Variants in NRXN3 observed in about 807,000 individuals in gnomAD.
The protein encoded by NRXN3 is neurexin III.
NRXN3 carries 32 observed loss-of-function variants against 137.6 expected under a neutral mutation model. The observed-to-expected ratio is 0.23, with a 90% CI of 0.18 to 0.31. The LOEUF is 0.31. Among genes scored for constraint, NRXN3 ranks in the 10% least tolerant of loss-of-function variants. The pLI is 1.00. For synonymous variants in NRXN3, 798 were observed against 784.5 expected (o/e 1.02, Z -0.29); for missense variants, 1,574 against 2,062.5 (o/e 0.76, Z 4.59).
At chr14:79,363,733 T>A (rs1449994762) in intron 15 of NRXN3, among the ~76,000 whole-genome samples, 1 of 152,212 alleles carries the variant, frequency 6.6e-6, no homozygotes, top group Admixed American at 6.5e-5. Flanking sequence ...AGAATGATAT[T>A]TTCATTCCAG....
intron 4 of NRXN3, among the ~76,000 whole-genome samples, chr14:78,442,592 A>T (rs936609807): frequency 6.6e-6 from 1 of 152,220 alleles, no homozygotes; most frequent in Admixed American, 6.5e-5. Flanking sequence ...CCTTCTCTGA[A>T]AGGGAAGACA....
chr14:79,463,895 C>T lies in NRXN3; in HGVS notation c.3263-3326C>T, dbSNP rs140029279. Among the ~76,000 whole-genome samples, 1,405 of 151,966 alleles carry T rather than the reference C, an allele frequency of 9.2e-3. 14 individuals carry two copies. Among genetic ancestry groups the T allele is most frequent in the Non-Finnish European group, 0.013 (884 of 67,962 alleles). On this transcript the variant is annotated intron_variant, in intron 15 of 20. Transcript: ENST00000335750. ...GGTTCTTATAGTTCCCAGGATTTTC[C>T]CAAGAAGTTGATTTGTAATCCACAT...
At chr14:79,665,221 C>T (rs1223954776) in intron 17 of NRXN3, among the ~76,000 whole-genome samples, 1 of 152,084 alleles carries the variant, frequency 6.6e-6, no homozygotes, top group Non-Finnish European at 1.5e-5. Context: ...GTAAGAGCAT[C>T]TGGAAACAGC....
rs184699047 is a variant in NRXN3 at position 79,251,413 on chromosome 14, C to T, written c.3263-215808C>T. ...AAGGGCGTCTTTCAAGAAATGACTT[C>T]AGAATTTTGAGCCTGAATAAATGGA... On this transcript the variant is annotated intron_variant, in intron 15 of 20. Coordinates refer to ENST00000335750, the MANE Select transcript of NRXN3 (RefSeq NM_001330195.2). 3.3e-3 allele frequency among the ~76,000 whole-genome samples: 498 copies of T among 152,132 alleles called. 3 individuals carry two copies. Among genetic ancestry groups the T allele is most frequent in the African/African-American group, 0.011 (469 of 41,498 alleles).
At chr14:79,524,445 T>C (rs2097099518) in intron 16 of NRXN3, among the ~76,000 whole-genome samples, 1 of 152,222 alleles carries the variant, frequency 6.6e-6, no homozygotes, top group African/African-American at 2.4e-5. Flanking sequence ...TTTTACACTT[T>C]TGTTATATAC....
At chr14:79,076,696 T>C (rs2152737836) in intron 15 of NRXN3, among the ~76,000 whole-genome samples, 1 of 152,186 alleles carries the variant, frequency 6.6e-6, no homozygotes, top group South Asian at 2.1e-4. Context: ...TATAGGACAT[T>C]TAAGGGGAGG....
intron 15 of NRXN3, among the ~76,000 whole-genome samples, chr14:79,353,304 A>T (rs941407972): frequency 6.6e-6 from 1 of 152,078 alleles, no homozygotes; most frequent in African/African-American, 2.4e-5. Flanking sequence ...TCTGGAAACT[A>T]TTCTGAATAT....
At position 79,386,366 on chromosome 14, in the gene NRXN3, A is replaced by G. The variant is rs560246147; in HGVS notation, c.3263-80855A>G. The stretch of plus-strand genomic sequence containing the variant: ...ACCACTCACAATTGCTTCAAAGAGA[A>G]TAAAATACCTAGGAATCCAACTTAC... On this transcript the variant is annotated intron_variant, in intron 15 of 20. Coordinates refer to ENST00000335750, the MANE Select transcript of NRXN3 (RefSeq NM_001330195.2). 6.6e-5 allele frequency among the ~76,000 whole-genome samples: 10 copies of G among 152,328 alleles called. No homozygotes were observed. The South Asian group carries it at 1.2e-3, about 19-fold the overall frequency.
intron 4 of NRXN3, among the ~76,000 whole-genome samples, chr14:78,435,838 G>A (rs1431080932): frequency 2.0e-5 from 3 of 152,254 alleles, no homozygotes; most frequent in Non-Finnish European, 4.4e-5. Flanking sequence ...CTTTCTGGAT[G>A]CGTTTCATCA....
intron 15 of NRXN3, among the ~76,000 whole-genome samples, chr14:79,362,303 C>T (rs553847534): frequency 2.0e-5 from 3 of 151,756 alleles, no homozygotes; most frequent in Non-Finnish European, 2.9e-5. Context: ...TCCCCTCTCC[C>T]CCCACCCCAC....
chr14:79,021,754 C>A (rs1403477737), intron 15 of NRXN3, among the ~76,000 whole-genome samples: 2 of 152,188 alleles, frequency 1.3e-5, no homozygotes, highest in African/African-American at 4.8e-5. Flanking sequence ...CCGGAAGCAT[C>A]ACACAATAGA....
In NRXN3 at chr14:79,346,236, A is replaced by G. The variant is rs376271863; in HGVS notation, c.3263-120985A>G. Among the ~76,000 whole-genome samples, 51 of 152,282 alleles carry G rather than the reference A, an allele frequency of 3.3e-4. No individual in the cohort carries two copies. The East Asian group carries it at 8.9e-3, about 27-fold the overall frequency. On this transcript the variant is annotated intron_variant, in intron 15 of 20. Coordinates refer to ENST00000335750, the MANE Select transcript of NRXN3 (RefSeq NM_001330195.2). ...GGAGTCCCAGGTCAGCCTGACCAAC[A>G]TAGTGAAACCCCATCTCTGCTAAAA...
chr14:78,518,252 G>T (rs1042120743), intron 4 of NRXN3, among the ~76,000 whole-genome samples: 1 of 152,164 alleles, frequency 6.6e-6, no homozygotes, highest in Admixed American at 6.5e-5. Context: ...CACAATGAGG[G>T]CTGTGGTAAG....
At chr14:78,219,584 C>T (rs1387395728) in intron 1 of NRXN3, among the ~76,000 whole-genome samples, 4 of 152,182 alleles carry the variant, frequency 2.6e-5, no homozygotes, top group African/African-American at 4.8e-5. Context: ...TCTTAATTTT[C>T]CCCACCTCTA....
intron 15 of NRXN3, among the ~76,000 whole-genome samples, chr14:79,339,846 C>G (rs539839890): frequency 4.5e-4 from 69 of 152,198 alleles, no homozygotes; most frequent in African/African-American, 1.6e-3. Flanking sequence ...GATGATCATA[C>G]TTGAAAAGTT....
chr14:79,097,594 G>A (rs1198894110), intron 15 of NRXN3, among the ~76,000 whole-genome samples: 1 of 152,208 alleles, frequency 6.6e-6, no homozygotes, highest in Non-Finnish European at 1.5e-5. Context: ...TGGATGAACC[G>A]ATAGCATTCC....
chr14:78,394,197 T>C (rs1322632795), intron 4 of NRXN3, among the ~76,000 whole-genome samples: 3 of 151,978 alleles, frequency 2.0e-5, no homozygotes, highest in Non-Finnish European at 4.4e-5. Flanking sequence ...AAGCATTCAG[T>C]CAAGCACCAT....
At chr14:78,777,028 A>C (rs1431730644) in intron 8 of NRXN3, among the ~76,000 whole-genome samples, 3 of 152,176 alleles carry the variant, frequency 2.0e-5, no homozygotes, top group African/African-American at 7.2e-5. Flanking sequence ...CTATGAGAAA[A>C]CTGAGGACAT....
intron 15 of NRXN3, among the ~76,000 whole-genome samples, chr14:79,159,151 C>T (rs1488864349): frequency 6.6e-6 from 1 of 151,688 alleles, no homozygotes; most frequent in Non-Finnish European, 1.5e-5. Context: ...TGAACATCCC[C>T]CAAAACTGTT....
Sources: gnomAD v4.1 joint callset for allele counts (sites outside exome capture counted in the v4.1 genomes callset) on GRCh38, gnomAD v4.1.1 for gene constraint, MANE v1.5 for transcripts, NCBI Gene and HGNC (gene_info 2026-07-23, HGNC 2026-07-21) for gene names.